Variants in LRRC4C observed in about 807,000 individuals in gnomAD.
LRRC4C encodes the protein leucine rich repeat containing 4C, also known as leucine-rich repeat-containing protein 4C.
Under a neutral mutation model 33.6 loss-of-function variants are expected in LRRC4C, and 5 were observed. That is an observed-to-expected ratio of 0.15 (90% CI 0.08 to 0.31). The LOEUF is 0.31. LRRC4C is among the 10% of genes least tolerant of loss of function. The pLI is 1.00. For synonymous variants in LRRC4C, 329 were observed against 302.0 expected (o/e 1.09, Z -0.93); for missense variants, 560 against 796.7 (o/e 0.70, Z 3.58).
chr11:41,210,943 A>T (rs1415627979), intron 1 of LRRC4C, among the ~76,000 whole-genome samples: 1 of 152,164 alleles, frequency 6.6e-6, no homozygotes, highest in Non-Finnish European at 1.5e-5. Flanking sequence ...CATGCAACCT[A>T]GATCCCTCAC....
At chr11:40,846,888 G>A (rs2135706063) in intron 2 of LRRC4C, among the ~76,000 whole-genome samples, 1 of 152,198 alleles carries the variant, frequency 6.6e-6, no homozygotes, top group East Asian at 1.9e-4. Context: ...CTTGTAAGTT[G>A]TATTTCTAGG....
intron 2 of LRRC4C, among the ~76,000 whole-genome samples, chr11:40,864,595 T>C (rs1029928632): frequency 2.0e-5 from 3 of 152,176 alleles, no homozygotes; most frequent in Admixed American, 6.6e-5. Context: ...AAGGCAAGAT[T>C]GAAAAACCCA....
chr11:40,401,057 A>G (rs1949739335), intron 3 of LRRC4C, among the ~76,000 whole-genome samples: 1 of 152,186 alleles, frequency 6.6e-6, no homozygotes, highest in Non-Finnish European at 1.5e-5. Flanking sequence ...TGCTGTTTGC[A>G]AGGCATGAAT....
intron 3 of LRRC4C, among the ~76,000 whole-genome samples, chr11:40,524,447 A>G (rs751787606): frequency 3.3e-5 from 5 of 152,224 alleles, no homozygotes; most frequent in African/African-American, 4.8e-5. Flanking sequence ...TTGAACACAT[A>G]TATGTCCTCT....
chr11:40,571,066 C>T (rs1010825060), intron 3 of LRRC4C, among the ~76,000 whole-genome samples: 1 of 151,974 alleles, frequency 6.6e-6, no homozygotes, highest in Non-Finnish European at 1.5e-5. Context: ...CTCTAATGTT[C>T]TCTCTTTTGT....
intron 2 of LRRC4C, among the ~76,000 whole-genome samples, chr11:40,785,905 GAA>G (rs57031986): frequency 8.0e-5 from 12 of 149,132 alleles, no homozygotes; most frequent in African/African-American, 2.9e-4. Context: ...GATATTGTTG[GAA>G]AAAAAAACGG....
intron 2 of LRRC4C, among the ~76,000 whole-genome samples, chr11:40,849,393 C>T (rs1953366146): frequency 6.6e-6 from 1 of 152,142 alleles, no homozygotes; most frequent in Non-Finnish European, 1.5e-5. Context: ...TTCCCCTTCA[C>T]TTATGAAGCT....
intron 3 of LRRC4C, among the ~76,000 whole-genome samples, chr11:40,464,285 T>A (rs936883599): frequency 2.6e-5 from 4 of 152,006 alleles, no homozygotes; most frequent in African/African-American, 9.7e-5. Flanking sequence ...CATCAATTGC[T>A]GAGAAAAACC....
At chr11:40,734,934 A>G (rs964413547) in intron 2 of LRRC4C, among the ~76,000 whole-genome samples, 3 of 152,044 alleles carry the variant, frequency 2.0e-5, no homozygotes, top group Admixed American at 1.3e-4. Flanking sequence ...GAACCACCCA[A>G]TCAGCTAGGG....
chr11:40,500,115 A>C (rs1256795425), intron 3 of LRRC4C, among the ~76,000 whole-genome samples: 1 of 152,040 alleles, frequency 6.6e-6, no homozygotes, highest in African/African-American at 2.4e-5. Flanking sequence ...TTCTGGAATC[A>C]AAGAAAACTG....
At chr11:40,781,548 T>C (rs1950210464) in intron 2 of LRRC4C, among the ~76,000 whole-genome samples, 1 of 152,156 alleles carries the variant, frequency 6.6e-6, no homozygotes, top group African/African-American at 2.4e-5. Context: ...CACCTTGAAC[T>C]TACAGATAAA....
intron 2 of LRRC4C, among the ~76,000 whole-genome samples, chr11:40,683,687 G>GA (rs1565632334): frequency 9.9e-5 from 15 of 152,094 alleles, no homozygotes. Context: ...AAGATCATAC[G>GA]AAAACTGTAG....
At chr11:41,306,662 T>C (rs1237483760) in intron 1 of LRRC4C, among the ~76,000 whole-genome samples, 1 of 152,134 alleles carries the variant, frequency 6.6e-6, no homozygotes, top group East Asian at 1.9e-4. Context: ...TGATGAGTAA[T>C]ATGAAAGAAG....
intron 2 of LRRC4C, among the ~76,000 whole-genome samples, chr11:40,821,664 T>A (rs1951935165): frequency 6.6e-6 from 1 of 151,284 alleles, no homozygotes; most frequent in East Asian, 1.9e-4. Flanking sequence ...AATAAATAAA[T>A]AAATAATAAA....
At chr11:40,138,802 G>T (rs1272897724) in intron 6 of LRRC4C, among the ~76,000 whole-genome samples, 1 of 152,054 alleles carries the variant, frequency 6.6e-6, no homozygotes, top group African/African-American at 2.4e-5. Context: ...TTTATTCTCT[G>T]GGAGGAAAAT....
At chr11:40,599,744 G>A (rs796135864) in intron 3 of LRRC4C, among the ~76,000 whole-genome samples, 2 of 152,246 alleles carry the variant, frequency 1.3e-5, no homozygotes, top group African/African-American at 2.4e-5. Flanking sequence ...GAAGGAATAT[G>A]GATAGAAGAG....
At position 41,229,115 on chromosome 11, in the gene LRRC4C, T is replaced by C. The variant is rs991655878; in HGVS notation, c.-496+230316A>G. On this transcript the variant is annotated intron_variant, in intron 1 of 6. Coordinates refer to ENST00000528697, the MANE Select transcript of LRRC4C (RefSeq NM_001258419.2). ...TAAGTCACCTTCATGGGGGTCATTA[T>C]GGAAAATTTGTGTCTCCCTAAAATT... Among the ~76,000 whole-genome samples, 3 of 152,104 alleles carry C rather than the reference T, an allele frequency of 2.0e-5. No individual in the cohort carries two copies. In the East Asian group the frequency reaches 5.8e-4, roughly 29 times the overall value.
At chr11:41,167,425 C>T (rs1944780047) in intron 1 of LRRC4C, among the ~76,000 whole-genome samples, 1 of 152,120 alleles carries the variant, frequency 6.6e-6, no homozygotes, top group Non-Finnish European at 1.5e-5. Context: ...TCCAGCAGAT[C>T]AGCACATTTT....
intron 3 of LRRC4C, among the ~76,000 whole-genome samples, chr11:40,359,625 C>T (rs907833487): frequency 2.3e-4 from 35 of 152,164 alleles, no homozygotes; most frequent in African/African-American, 8.0e-4. Context: ...GATTAATCCT[C>T]TTAGGCATAG....
Sources: allele counts gnomAD v4.1 joint callset (sites outside exome capture counted in the v4.1 genomes callset), GRCh38; gene constraint gnomAD v4.1.1; transcripts MANE v1.5; gene names NCBI Gene and HGNC (gene_info 2026-07-23, HGNC 2026-07-21).